SLC12A6: variants seen among roughly 807,000 people sequenced by gnomAD.
SLC12A6 encodes the protein solute carrier family 12 member 6.
SLC12A6 carries 66 observed loss-of-function variants against 135.3 expected under a neutral mutation model. The observed-to-expected ratio is 0.49, with a 90% confidence interval of 0.40 to 0.60. SLC12A6 has a LOEUF of 0.60. Ranked by LOEUF, SLC12A6 falls within the 20% of genes least tolerant of loss-of-function variation. The pLI is 0.00. For missense variants in SLC12A6, 1,058 were observed against 1,452.3 expected, an observed-to-expected ratio of 0.73 and a Z score of 4.41; for synonymous variants, 513 against 508.8, an observed-to-expected ratio of 1.01 and a Z score of -0.11.
intron 2 of SLC12A6, among the ~76,000 whole-genome samples, chr15:34,286,141 T>C (rs1895059890): frequency 6.6e-6 from 1 of 152,040 alleles, no homozygotes; most frequent in African/African-American, 2.4e-5. Flanking sequence ...TAGCACGATC[T>C]AAGTTCCCTG....
At chr15:34,322,427 C>T (rs879496493) in intron 2 of SLC12A6, among the ~76,000 whole-genome samples, 1 of 151,556 alleles carries the variant, frequency 6.6e-6, no homozygotes, top group Non-Finnish European at 1.5e-5. Flanking sequence ...GAAAAGTTTA[C>T]CTCAAAAGAA....
rs1243429643 is a variant in SLC12A6, at chr15:34,245,741, C to T, written c.1776G>A (p.Pro592=). 7 of 1,613,838 alleles carry T rather than the reference C, an allele frequency of 4.3e-6. No individual in the cohort carries two copies. Among genetic ancestry groups the T allele is most frequent in the South Asian group, 1.1e-5 (1 of 91,092 alleles). Residue 592 remains proline, a synonymous_variant, in exon 14 of 26, where the codon CCG becomes CCA. Coordinates refer to ENST00000354181, the MANE Select transcript of SLC12A6 (RefSeq NM_001365088.1). ...GAGLQSLTGA[P]RLLQAIAKDN... ...CCTTGGCAATAGCTTGTAGCAGCCT[C>T]GGTGCACCTGTGAGGCTCTGAAGTC... is the stretch of plus-strand genomic sequence containing the variant.
chr15:34,246,216 A>C (rs1238676996), intron 13 of SLC12A6, among the ~76,000 whole-genome samples: 2 of 152,060 alleles, frequency 1.3e-5, no homozygotes, highest in Non-Finnish European at 2.9e-5. Context: ...TACAGGCGTG[A>C]ACCACTGCGT....
Position 34,243,980 on chromosome 15 carries a change from T to A in SLC12A6, c.2036A>T (p.Tyr679Phe). ...ATAAAAGAAGCAGACTTACCAATGG[T>A]AGTAGCGGAATCGGGGTCTCCAGTT... is the stretch of plus-strand genomic sequence containing the variant. ...TPNWRPRFRY[Y>F]HWALSFMGMS... The change falls in exon 16 of 26, where the codon TAC (tyrosine) becomes TTC (phenylalanine). Residue 679 changes from tyrosine (Y) to phenylalanine (F), a missense_variant. Coordinates refer to ENST00000354181, the MANE Select transcript of SLC12A6 (RefSeq NM_001365088.1). 6.4e-7 allele frequency: 1 copy of A among 1,559,032 alleles called. No individual in the cohort carries two copies. Among genetic ancestry groups the A allele is most frequent in the Non-Finnish European group, 8.9e-7 (1 of 1,129,772 alleles).
intron 3 of SLC12A6, among the ~76,000 whole-genome samples, chr15:34,267,439 G>A (rs1893604077): frequency 6.6e-6 from 1 of 152,286 alleles, no homozygotes; most frequent in South Asian, 2.1e-4. Flanking sequence ...TCAGCACTAT[G>A]GAATTTTGGA....
chr15:34,322,916 T>C (rs750233264), intron 2 of SLC12A6, among the ~76,000 whole-genome samples: 14 of 142,234 alleles, frequency 9.8e-5, no homozygotes, highest in Non-Finnish European at 1.6e-4. Context: ...CAGGTGGAAG[T>C]TGCAGTGAGC....
At chr15:34,274,033 A>G (rs1894134828) in intron 3 of SLC12A6, among the ~76,000 whole-genome samples, 1 of 152,208 alleles carries the variant, frequency 6.6e-6, no homozygotes. Flanking sequence ...AGACTGATAT[A>G]TCTATCTTAT....
At chr15:34,322,820 A>G (rs1417388679) in intron 2 of SLC12A6, among the ~76,000 whole-genome samples, 2 of 151,814 alleles carry the variant, frequency 1.3e-5, no homozygotes, top group Non-Finnish European at 2.9e-5. Flanking sequence ...TCCACTAAAA[A>G]CACAAAAATT....
In SLC12A6 at chr15:34,317,237, A is replaced by G. The variant is rs1888712553; in HGVS notation, c.271+19173T>C. Among the ~76,000 whole-genome samples, 6 of 152,344 alleles carry G rather than the reference A, an allele frequency of 3.9e-5. No individual in the cohort carries two copies. The South Asian group carries it at 1.0e-3, about 26-fold the overall frequency. The stretch of plus-strand genomic sequence containing the variant: ...TATTCCCCTAATAAATTATCTCACT[A>G]GAAGGAAAAAACAAAAGGAACATTT... On this transcript the variant is annotated intron_variant, in intron 2 of 25. Coordinates refer to ENST00000354181, the MANE Select transcript of SLC12A6 (RefSeq NM_001365088.1).
chr15:34,330,964 C>T (rs1466851482), intron 2 of SLC12A6, among the ~76,000 whole-genome samples: 5 of 152,028 alleles, frequency 3.3e-5, no homozygotes, highest in African/African-American at 1.2e-4. Flanking sequence ...ATCACTTGAA[C>T]CCAGGAGGCG....
At chr15:34,320,219 C>G (rs949726752) in intron 2 of SLC12A6, among the ~76,000 whole-genome samples, 1 of 152,122 alleles carries the variant, frequency 6.6e-6, no homozygotes, top group African/African-American at 2.4e-5. Flanking sequence ...GCACTATTCA[C>G]AACAGCCAAA....
At chr15:34,319,764 A>C (rs1595567135) in intron 2 of SLC12A6, among the ~76,000 whole-genome samples, 1 of 151,604 alleles carries the variant, frequency 6.6e-6, no homozygotes, top group African/African-American at 2.4e-5. Context: ...GCGCCACTGC[A>C]CTCCAGCCTG....
chr15:34,242,893 G>A (rs1891742075), intron 16 of SLC12A6, among the ~76,000 whole-genome samples: 1 of 152,122 alleles, frequency 6.6e-6, no homozygotes, highest in African/African-American at 2.4e-5. Context: ...AGCCGGGTGT[G>A]GTGACGGGCG....
intron 4 of SLC12A6, among the ~76,000 whole-genome samples, chr15:34,259,150 G>A (rs1008036646): frequency 1.3e-5 from 2 of 152,164 alleles, no homozygotes; most frequent in Non-Finnish European, 2.9e-5. Flanking sequence ...GACCAGCCTG[G>A]CCAAGATGGT....
At chr15:34,288,389 C>G (rs1156383507) in intron 2 of SLC12A6, among the ~76,000 whole-genome samples, 1 of 152,160 alleles carries the variant, frequency 6.6e-6, no homozygotes, top group Non-Finnish European at 1.5e-5. Flanking sequence ...ACTGTAGCCT[C>G]GTAGCAAAGT....
intron 2 of SLC12A6, among the ~76,000 whole-genome samples, chr15:34,311,117 T>C (rs1422623390): frequency 6.6e-6 from 1 of 152,136 alleles, no homozygotes; most frequent in South Asian, 2.1e-4. Flanking sequence ...CCTCTCTCTA[T>C]TGTGCTATAG....
At chr15:34,278,436 G>C (rs568343050) in intron 2 of SLC12A6, among the ~76,000 whole-genome samples, 1 of 151,234 alleles carries the variant, frequency 6.6e-6, no homozygotes, top group African/African-American at 2.4e-5. Flanking sequence ...CAAAAAAAAA[G>C]AAAAAAATTA....
chr15:34,303,994 TCAC>T (rs1896431304), intron 2 of SLC12A6, among the ~76,000 whole-genome samples: 1 of 152,192 alleles, frequency 6.6e-6, no homozygotes, highest in Non-Finnish European at 1.5e-5. Context: ...TGTGTAGCTG[TCAC>T]CACAATCTAA....
chr15:34,263,900 T>C lies in SLC12A6; in HGVS notation c.317-2880A>G, dbSNP rs111987266. 3.2e-3 allele frequency among the ~76,000 whole-genome samples: 481 copies of C among 152,128 alleles called. 4 individuals are homozygous for C. The highest frequency in any genetic ancestry group is 0.011 in the African/African-American group (445 of 41,502). On this transcript the variant is annotated intron_variant, in intron 3 of 25. Transcript: ENST00000354181. Reference sequence around the variant, plus strand: ...CATTAAAAATAAATAATGTGATGGATTGAAATGCAAATTTATGAAATACTC... The same window carrying C: ...CATTAAAAATAAATAATGTGATGGACTGAAATGCAAATTTATGAAATACTC...
Sources: allele counts gnomAD v4.1 joint callset (sites outside exome capture counted in the v4.1 genomes callset), GRCh38; gene constraint gnomAD v4.1.1; transcripts MANE v1.5; gene names NCBI Gene and HGNC (gene_info 2026-07-23, HGNC 2026-07-21).